PCNX1: variants seen among roughly 807,000 people sequenced by gnomAD.
PCNX1 encodes the protein pecanex-like protein 1.
A neutral mutation model predicts 242.2 loss-of-function variants in PCNX1; 78 were observed. The observed-to-expected ratio is 0.32, with a 90% CI of 0.27 to 0.39. PCNX1 has a LOEUF of 0.39. Ranked by LOEUF, PCNX1 falls within the 10% of genes least tolerant of loss-of-function variation. PCNX1 has a pLI of 1.00. For synonymous variants in PCNX1, 1,024 were observed against 1,032.9 expected (o/e 0.99, Z 0.17); for missense variants, 2,581 against 2,856.5 (o/e 0.90, Z 2.20).
intron 16 of PCNX1, among the ~76,000 whole-genome samples, chr14:71,030,594 C>T (rs369603716): frequency 1.3e-4 from 20 of 152,126 alleles, no homozygotes; most frequent in African/African-American, 3.9e-4. Flanking sequence ...TGATGTCCTT[C>T]AATGCTTTGT....
chr14:71,073,655 G>T lies in PCNX1; in HGVS notation c.4963G>T (p.Ala1655Ser), dbSNP rs755035375. 1 of 1,614,052 alleles carries T rather than the reference G, an allele frequency of 6.2e-7. No homozygotes were observed. Among genetic ancestry groups the T allele is most frequent in the East Asian group, 2.2e-5 (1 of 44,874 alleles). Residue 1655 changes from alanine (A) to serine (S), a missense_variant, in exon 27 of 36, where the codon GCT (alanine) becomes TCT (serine). Transcript: ENST00000304743. ...GHIPHMLSFN[A>S]AFSQRWLAWE... ...TATTCCTCACATGCTTTCATTTAAT[G>T]CTGCATTTAGCCAGCGATGGCTAGC...
chr14:71,084,982 G>A lies in PCNX1; in HGVS notation c.5338-3348G>A, dbSNP rs776459862. Among the ~76,000 whole-genome samples, 4 of 152,328 alleles carry A rather than the reference G, an allele frequency of 2.6e-5. 1 individual carries two copies. In the South Asian group the frequency reaches 8.3e-4, roughly 32 times the overall value. On this transcript the variant is annotated intron_variant, in intron 28 of 35. Coordinates refer to ENST00000304743, the MANE Select transcript of PCNX1 (RefSeq NM_014982.3). ...CAGGGCCCTGGTGGTATAGGCACGC[G>A]AGGGAATCTCTTGGTCTGTGGGTTG...
At chr14:70,991,656 A>G (rs2059170958) in intron 7 of PCNX1, among the ~76,000 whole-genome samples, 1 of 152,212 alleles carries the variant, frequency 6.6e-6, no homozygotes, top group Non-Finnish European at 1.5e-5. Flanking sequence ...GTAAAGTAAA[A>G]TAAAATTTAT....
chr14:71,111,377 C>A lies in PCNX1; in HGVS notation c.*1442C>A, dbSNP rs2062751205. 3 of 152,522 alleles carry A rather than the reference C, an allele frequency of 2.0e-5. No homozygotes were observed. The highest frequency in any genetic ancestry group is 4.4e-5 in the Non-Finnish European group (3 of 68,000). 9.4% of individuals were successfully genotyped at this position (152,522 alleles called of 1,614,324 possible). On this transcript the variant is annotated 3_prime_UTR_variant, in exon 36 of 36. Coordinates refer to ENST00000304743, the MANE Select transcript of PCNX1 (RefSeq NM_014982.3). ...GCATTTAGGAGCAGCCATCTTTCTA[C>A]CCCTTGTGAATAAATCATTGAAAGA...
chr14:70,948,554 A>G (rs776904122), intron 2 of PCNX1, among the ~76,000 whole-genome samples: 4 of 151,822 alleles, frequency 2.6e-5, no homozygotes, highest in African/African-American at 4.8e-5. Flanking sequence ...TCATATAAAT[A>G]AAATGTATGT....
intron 26 of PCNX1, among the ~76,000 whole-genome samples, chr14:71,058,099 T>C (rs1016573989): frequency 1.3e-5 from 2 of 152,206 alleles, no homozygotes; most frequent in Non-Finnish European, 2.9e-5. Context: ...AATAGTTAAC[T>C]GAGTTATGTT....
At chr14:71,062,228 T>C (rs1343142130) in intron 26 of PCNX1, among the ~76,000 whole-genome samples, 1 of 152,202 alleles carries the variant, frequency 6.6e-6, no homozygotes, top group East Asian at 1.9e-4. Context: ...GTCATTGTTG[T>C]CATAGGAGAT....
At chr14:71,101,969 A>G (rs764608281) in intron 30 of PCNX1, 21 bp from the exon 31 acceptor site, 5 of 1,337,576 alleles carry the variant, frequency 3.7e-6, no homozygotes, top group Non-Finnish European at 5.1e-6. Context: ...TTAAAAATTT[A>G]TATATTATTT....
In PCNX1 at chr14:71,091,930, A is replaced by G. The variant is rs73297511; in HGVS notation, c.5589+2588A>G. Among the ~76,000 whole-genome samples, 165 of 152,330 alleles carry G rather than the reference A, an allele frequency of 1.1e-3. 1 individual carries two copies. Among genetic ancestry groups the G allele is most frequent in the African/African-American group, 3.7e-3 (155 of 41,586 alleles). On this transcript the variant is annotated intron_variant, in intron 30 of 35. Transcript: ENST00000304743. ...GTGTGAGCAGTTCGCCTTTCCAGTA[A>G]ATTGTGTATTTCAATAAAAAGTGAT...
intron 7 of PCNX1, among the ~76,000 whole-genome samples, chr14:70,991,157 AGGGTTTGGAAT>A (rs1476616787): frequency 6.6e-6 from 1 of 150,432 alleles, no homozygotes; most frequent in Non-Finnish European, 1.5e-5. Flanking sequence ...ATGTTTTTCT[AGGGTTTGGAAT>A]ACATTACCAT....
chr14:70,938,270 G>T (rs997319857), intron 1 of PCNX1, among the ~76,000 whole-genome samples: 5 of 152,130 alleles, frequency 3.3e-5, no homozygotes, highest in African/African-American at 1.2e-4. Context: ...CTGTGGGTTT[G>T]TCATAGATAG....
rs776918583 is a variant in PCNX1 at position 71,031,810 on chromosome 14, G to C, written c.3559-1619G>C. The C allele has an allele frequency of 1.0e-4, 155 of 1,484,842 alleles. 1 individual carries two copies. The highest frequency in any genetic ancestry group is 1.3e-4 in the Admixed American group (8 of 59,512). 92.0% of individuals were successfully genotyped at this position (1,484,842 alleles called of 1,614,324 possible). The stretch of plus-strand genomic sequence containing the variant: ...GTGCAGGGAGCCCATGCATAGCTTG[G>C]CAGCGAGGAGAGGGATGGTGGCATC... On this transcript the variant is annotated intron_variant, in intron 16 of 35. Coordinates refer to ENST00000304743, the MANE Select transcript of PCNX1 (RefSeq NM_014982.3).
At chr14:71,069,912 C>T (rs1208274510) in intron 26 of PCNX1, among the ~76,000 whole-genome samples, 1 of 152,136 alleles carries the variant, frequency 6.6e-6, no homozygotes, top group Non-Finnish European at 1.5e-5. Context: ...TGAAGGATTC[C>T]TCTGTAGCAT....
chr14:71,072,644 A>G (rs955199775), intron 26 of PCNX1, among the ~76,000 whole-genome samples: 1 of 152,200 alleles, frequency 6.6e-6, no homozygotes, highest in Admixed American at 6.5e-5. Context: ...TTAAAGAAAA[A>G]AAATTATTGT....
intron 2 of PCNX1, among the ~76,000 whole-genome samples, chr14:70,948,015 G>T (rs1219699456): frequency 1.3e-5 from 2 of 152,158 alleles, no homozygotes; most frequent in Non-Finnish European, 2.9e-5. Flanking sequence ...GGAAATTCCA[G>T]CCTGGCGAAA....
At chr14:70,909,506 T>A (rs2055728662) in intron 1 of PCNX1, among the ~76,000 whole-genome samples, 1 of 152,230 alleles carries the variant, frequency 6.6e-6, no homozygotes, top group Non-Finnish European at 1.5e-5. Context: ...CAAAGCAAAT[T>A]TCTTCTATGT....
rs368890230 is a variant in PCNX1, at chr14:70,960,026, T to C, written c.363-2200T>C. On this transcript the variant is annotated intron_variant, in intron 2 of 35. Coordinates refer to ENST00000304743, the MANE Select transcript of PCNX1 (RefSeq NM_014982.3). Reference sequence around the variant, plus strand: ...TGTGTTTTTTGGCTGCATAAATGTCTTCTTTTGAGAAGTGTCTGTTTATGT... The same window carrying C: ...TGTGTTTTTTGGCTGCATAAATGTCCTCTTTTGAGAAGTGTCTGTTTATGT... Among the ~76,000 whole-genome samples, 333 of 99,504 alleles carry C rather than the reference T, an allele frequency of 3.3e-3. 1 individual carries two copies. The highest frequency in any genetic ancestry group is 8.4e-3 in the Middle Eastern group (2 of 238). The allele number at this position is 99,504 out of a possible 152,430, so 65.3% of individuals were successfully genotyped here.
intron 26 of PCNX1, 70 bp from the exon 27 acceptor site, chr14:71,073,475 T>G: frequency 7.2e-7 from 1 of 1,391,266 alleles, no homozygotes; most frequent in South Asian, 1.4e-5. Context: ...CTAAATCTTA[T>G]GTGTCCTTGC....
At chr14:71,043,559 A>C (rs2060774488) in intron 19 of PCNX1, among the ~76,000 whole-genome samples, 1 of 137,946 alleles carries the variant, frequency 7.2e-6, no homozygotes, top group South Asian at 2.3e-4. Context: ...TTTTTTTAAG[A>C]TCCATCTTAA....
Sources: gnomAD v4.1 joint callset for allele counts (sites outside exome capture counted in the v4.1 genomes callset) on GRCh38, gnomAD v4.1.1 for gene constraint, MANE v1.5 for transcripts, NCBI Gene and HGNC (gene_info 2026-07-23, HGNC 2026-07-21) for gene names.